CDC42BPA: variants seen among roughly 807,000 people sequenced by gnomAD.
CDC42BPA encodes the protein CDC42 binding protein kinase alpha.
A neutral mutation model predicts 223.5 loss-of-function variants in CDC42BPA; 80 were observed. The ratio of observed to expected loss-of-function variants is 0.36; its 90% CI spans 0.30 to 0.43. The LOEUF is 0.43. Among genes scored for constraint, CDC42BPA ranks in the 20% least tolerant of loss-of-function variants. The pLI, the probability that CDC42BPA is intolerant of heterozygous loss-of-function variation, is 1.00. For synonymous variants in CDC42BPA, 694 were observed against 718.6 expected (o/e 0.97, Z 0.55); for missense variants, 1,743 against 2,099.9 (o/e 0.83, Z 3.32).
chr1:227,000,070 C>T (rs1558248574), intron 35 of CDC42BPA, among the ~76,000 whole-genome samples: 1 of 150,622 alleles, frequency 6.6e-6, no homozygotes, highest in African/African-American at 2.4e-5. Context: ...GCATGTTCTA[C>T]ACATGTATCC....
At chr1:227,060,885 C>T (rs921556431) in intron 21 of CDC42BPA, among the ~76,000 whole-genome samples, 1 of 151,806 alleles carries the variant, frequency 6.6e-6, no homozygotes, top group Admixed American at 6.6e-5. Context: ...CCATGCCCGG[C>T]TAATTTTTGT....
chr1:227,230,129 G>A (rs1572503967), intron 2 of CDC42BPA, among the ~76,000 whole-genome samples: 3 of 152,168 alleles, frequency 2.0e-5, no homozygotes. Flanking sequence ...CTGCCTATGA[G>A]ATTTCTAGCT....
intron 21 of CDC42BPA, among the ~76,000 whole-genome samples, chr1:227,057,067 A>G (rs1454312598): frequency 6.6e-6 from 1 of 152,218 alleles, no homozygotes; most frequent in African/African-American, 2.4e-5. Context: ...CTAAGAAAAC[A>G]TAAGAGAAAG....
chr1:227,086,874 T>C (rs774674903), intron 16 of CDC42BPA, among the ~76,000 whole-genome samples: 42 of 152,194 alleles, frequency 2.8e-4, no homozygotes, highest in Non-Finnish European at 5.4e-4. Context: ...GGTCTCACCA[T>C]ATTTCCCAGA....
rs1348407029 is a variant in CDC42BPA at position 227,317,770 on chromosome 1, G to C, written c.-588C>G. On this transcript the variant is annotated 5_prime_UTR_variant, in exon 1 of 37. Transcript: ENST00000366766. ...GCGGCAATTTCTCCAGCGGGAAAGG[G>C]AGGGGGCGAGGTCCCTGAAGCAGCC... 5.0e-6 allele frequency: 2 copies of C among 398,490 alleles called. No homozygotes were observed. The highest frequency in any genetic ancestry group is 8.8e-6 in the Non-Finnish European group (2 of 226,114). 24.7% of individuals were successfully genotyped at this position (398,490 alleles called of 1,614,324 possible). A position where few individuals can be genotyped will look rare whatever the true frequency, so the allele number is the denominator to read the frequency against.
At chr1:227,203,895 C>G (rs1006269287) in intron 3 of CDC42BPA, among the ~76,000 whole-genome samples, 1 of 152,168 alleles carries the variant, frequency 6.6e-6, no homozygotes, top group Admixed American at 6.6e-5. Context: ...AAAGTTGACA[C>G]AGGATTCTCT....
chr1:227,145,586 T>G lies in CDC42BPA; in HGVS notation c.1046A>C (p.Asp349Ala). 6.2e-7 allele frequency: 1 copy of G among 1,613,794 alleles called. No individual in the cohort carries two copies. Among genetic ancestry groups the G allele is most frequent in the Non-Finnish European group, 8.5e-7 (1 of 1,179,784 alleles). The change falls in exon 8 of 37, where the codon GAT becomes GCT. Residue 349 changes from aspartate to alanine, a missense_variant. Around this residue, in one of 6 missense-constraint regions of CDC42BPA, gnomAD observed 321 missense variants for 488.7 expected, o/e 0.66. Coordinates refer to ENST00000366766, the MANE Select transcript of CDC42BPA (RefSeq NM_001394014.1). ...AGGTGCTTCACAGTTCCGAATATTATCCCAATCAATTCCACTGAAAAATGG... is the reference window on the plus strand; with the variant it reads ...AGGTGCTTCACAGTTCCGAATATTAGCCCAATCAATTCCACTGAAAAATGG... ...KHPFFSGIDWDNIRNCEAPYI... is the reference protein window; with the variant it reads ...KHPFFSGIDWANIRNCEAPYI...
intron 27 of CDC42BPA, 76 bp downstream of exon 27, chr1:227,033,258 T>A (rs939935689): frequency 1.2e-6 from 1 of 859,902 alleles, no homozygotes; most frequent in Admixed American, 2.1e-5. Flanking sequence ...AGTGAATTTA[T>A]GATTTATATA....
intron 1 of CDC42BPA, among the ~76,000 whole-genome samples, chr1:227,261,124 C>CTTTTTTTTTTTTATTTTT (rs386369874): frequency 8.3e-6 from 1 of 121,002 alleles, no homozygotes; most frequent in African/African-American, 3.2e-5. Context: ...TTGAGTTTTT[C>CTTTTTTTTTTTTATTTTT]TTTTTTTTTG....
chr1:227,259,766 T>C (rs1683734368), intron 1 of CDC42BPA, among the ~76,000 whole-genome samples: 1 of 150,956 alleles, frequency 6.6e-6, no homozygotes, highest in Non-Finnish European at 1.5e-5. Flanking sequence ...TTAGAAGTAA[T>C]AGCTTAGAAG....
chr1:227,034,300 C>A (rs942735718), intron 26 of CDC42BPA, among the ~76,000 whole-genome samples: 4 of 152,106 alleles, frequency 2.6e-5, no homozygotes, highest in African/African-American at 9.7e-5. Context: ...TTTCCAGAAG[C>A]CTTTCTGATT....
intron 1 of CDC42BPA, among the ~76,000 whole-genome samples, chr1:227,299,341 G>A (rs748433587): frequency 9.9e-5 from 15 of 152,078 alleles, no homozygotes; most frequent in Middle Eastern, 3.2e-3. Flanking sequence ...GAGAAACACT[G>A]TTGCAAAGGA....
intron 9 of CDC42BPA, among the ~76,000 whole-genome samples, chr1:227,142,368 A>G (rs1409310683): frequency 2.0e-5 from 3 of 152,162 alleles, no homozygotes; most frequent in Non-Finnish European, 4.4e-5. Context: ...TCTAGAGAAT[A>G]TTCAACAGCG....
chr1:227,268,592 ATATATAGTG>A (rs1275166884), intron 1 of CDC42BPA, among the ~76,000 whole-genome samples: 6 of 121,276 alleles, frequency 4.9e-5, no homozygotes, highest in Admixed American at 2.1e-4. Flanking sequence ...ATATATGTGT[ATATATAGTG>A]TGTGTATAGT....
At chr1:227,047,502 T>C (rs375426870) in intron 23 of CDC42BPA, among the ~76,000 whole-genome samples, 1 of 152,196 alleles carries the variant, frequency 6.6e-6, no homozygotes, top group South Asian at 2.1e-4. Context: ...GACAAGCAAC[T>C]AAATCTTCTC....
chr1:227,275,818 G>A (rs1367308107), intron 1 of CDC42BPA, among the ~76,000 whole-genome samples: 1 of 152,206 alleles, frequency 6.6e-6, no homozygotes, highest in African/African-American at 2.4e-5. Context: ...TCGCCGGGCT[G>A]GTCTCCAGCT....
intron 16 of CDC42BPA, among the ~76,000 whole-genome samples, chr1:227,090,692 T>C (rs995646000): frequency 5.9e-5 from 9 of 152,122 alleles, no homozygotes; most frequent in African/African-American, 1.9e-4. Flanking sequence ...GCGCCTGTAG[T>C]CCCAGCAACT....
intron 6 of CDC42BPA, among the ~76,000 whole-genome samples, chr1:227,153,597 G>T (rs1404071798): frequency 6.6e-6 from 1 of 151,908 alleles, no homozygotes; most frequent in African/African-American, 2.4e-5. Context: ...TAGGAAGAAG[G>T]TGGTCTGAAC....
intron 34 of CDC42BPA, among the ~76,000 whole-genome samples, chr1:227,010,721 G>A (rs1012328261): frequency 1.5e-5 from 2 of 129,190 alleles, no homozygotes; most frequent in Non-Finnish European, 3.7e-5. Context: ...GAAGATACAT[G>A]GAGGAAGAGG....
Sources: gnomAD v4.1 joint callset for allele counts (sites outside exome capture counted in the v4.1 genomes callset) on GRCh38, gnomAD v4.1.1 for gene constraint, gnomAD v4.1.1 regional missense constraint, MANE v1.5 for transcripts, NCBI Gene and HGNC (gene_info 2026-07-23, HGNC 2026-07-21) for gene names.